Variants in KIF20B observed in about 807,000 individuals in gnomAD.
The protein encoded by KIF20B is kinesin-like protein KIF20B.
Under a neutral mutation model 232.5 loss-of-function variants are expected in KIF20B, and 188 were observed. That is an observed-to-expected ratio of 0.81 (90% CI 0.72 to 0.91). The LOEUF (loss-of-function observed/expected upper bound fraction) is 0.91. Ranked by LOEUF, KIF20B falls within the 40% of genes least tolerant of loss-of-function variation. KIF20B has a pLI of 0.00. For missense variants in KIF20B, 2,154 were observed against 2,055.9 expected (o/e 1.05, Z -0.92); for synonymous variants, 712 against 683.0 (o/e 1.04, Z -0.66).
intron 28 of KIF20B, 48 bp downstream of exon 28, chr10:89,760,684 A>C: frequency 9.1e-7 from 1 of 1,101,378 alleles, no homozygotes. Context: ...TTTATCCACT[A>C]TTACTAAATA....
chr10:89,722,453 A>T (rs974734673), intron 13 of KIF20B, among the ~76,000 whole-genome samples: 3 of 152,100 alleles, frequency 2.0e-5, no homozygotes, highest in African/African-American at 7.2e-5. Flanking sequence ...GTGGATCATG[A>T]GGTTGAGAGA....
At chr10:89,757,791 C>T (rs1400511151) in intron 26 of KIF20B, among the ~76,000 whole-genome samples, 1 of 150,142 alleles carries the variant, frequency 6.7e-6, no homozygotes, top group East Asian at 1.9e-4. Context: ...CATTTGCCCA[C>T]GGGTTAATTT....
At chr10:89,756,641 A>C (rs1235367017) in intron 26 of KIF20B, among the ~76,000 whole-genome samples, 1 of 152,214 alleles carries the variant, frequency 6.6e-6, no homozygotes, top group Non-Finnish European at 1.5e-5. Flanking sequence ...ACCTATTTCA[A>C]GAAGAGAACA....
intron 6 of KIF20B, among the ~76,000 whole-genome samples, chr10:89,713,358 C>CAA (rs34139175): frequency 0.02 from 1,727 of 88,542 alleles, 43 homozygotes; most frequent in African/African-American, 0.068. Flanking sequence ...AAGACTCTCT[C>CAA]AAAAAAAAAA....
In KIF20B at chr10:89,718,803, T is replaced by A; in HGVS notation, c.1365T>A (p.Asn455Lys). ...AAGGGAAAATTTGTATGATTGTCAA[T>A]ATCAGCCAATGTTATTTAGCCTATG... ...NGKGKICMIV[N>K]ISQCYLAYDE... Residue 455 changes from asparagine to lysine, a missense_variant, in exon 12 of 33, where the codon AAT (asparagine) becomes AAA (lysine). Coordinates refer to ENST00000371728, the MANE Select transcript of KIF20B (RefSeq NM_001284259.2). The A allele has an allele frequency of 6.2e-7, 1 of 1,609,586 alleles. No homozygotes were observed. The highest frequency in any genetic ancestry group is 8.5e-7 in the Non-Finnish European group (1 of 1,176,558).
chr10:89,717,639 G>A lies in KIF20B; in HGVS notation c.1188G>A (p.Arg396=). 6.2e-7 allele frequency: 1 copy of A among 1,611,166 alleles called. No individual in the cohort carries two copies. The highest frequency in any genetic ancestry group is 1.1e-5 in the South Asian group (1 of 90,816). The change falls in exon 11 of 33, where the codon AGG becomes AGA. Residue 396 remains arginine (R), a synonymous_variant. Coordinates refer to ENST00000371728, the MANE Select transcript of KIF20B (RefSeq NM_001284259.2). ...TGAAGACACAGAATGAAGGTGAAAG[G>A]TTAAGAGAGACTGGGAATATCAACA... ...RTMKTQNEGE[R]LRETGNINTS...
Position 89,745,969 on chromosome 10 carries a change from A to G in KIF20B, c.4096+10A>G. ...GAGAGAGCATGCAAAGGTCAGGAAC[A>G]AGTTTGTACTTCTGGAACCAGAAAA... On this transcript the variant is annotated intron_variant, in intron 23 of 32. Coordinates refer to ENST00000371728, the MANE Select transcript of KIF20B (RefSeq NM_001284259.2). The G allele has an allele frequency of 6.2e-7, 1 of 1,605,146 alleles. No individual in the cohort carries two copies. Among genetic ancestry groups the G allele is most frequent in the Non-Finnish European group, 8.5e-7 (1 of 1,171,886 alleles).
intron 13 of KIF20B, among the ~76,000 whole-genome samples, chr10:89,722,605 G>C (rs1843087465): frequency 6.6e-6 from 1 of 152,112 alleles, no homozygotes; most frequent in Admixed American, 6.5e-5. Context: ...GGGGGCGGAG[G>C]TTGCAGTGAG....
rs535725348 is a variant in KIF20B, at chr10:89,724,324, C to T, written c.1862+221C>T. Reference sequence around the variant, plus strand: ...GGCGGATCACTGAAGGTCAGGAGGTCGAGATCAGCCTGGCCAACATGGTGA... The same window carrying T: ...GGCGGATCACTGAAGGTCAGGAGGTTGAGATCAGCCTGGCCAACATGGTGA... On this transcript the variant is annotated intron_variant, in intron 14 of 32. Transcript: ENST00000371728. 2.8e-3 allele frequency among the ~76,000 whole-genome samples: 422 copies of T among 152,000 alleles called. 2 individuals are homozygous for T. The highest frequency in any genetic ancestry group is 4.4e-3 in the Non-Finnish European group (297 of 67,966).
chr10:89,703,029 C>G (rs920623421), intron 1 of KIF20B, among the ~76,000 whole-genome samples: 2 of 152,134 alleles, frequency 1.3e-5, no homozygotes, highest in Non-Finnish European at 2.9e-5. Context: ...TGAACAAATA[C>G]TTTATTATAA....
At chr10:89,721,341 A>AT (rs1250579859) in intron 13 of KIF20B, among the ~76,000 whole-genome samples, 1 of 152,136 alleles carries the variant, frequency 6.6e-6, no homozygotes, top group Non-Finnish European at 1.5e-5. Flanking sequence ...TCTGTAATGT[A>AT]TTAAATAGTA....
At position 89,738,496 on chromosome 10, in the gene KIF20B, A is replaced by G. The variant is rs1564667355; in HGVS notation, c.3655A>G (p.Asn1219Asp). ...QDSVKNTKDL[N>D]VKELKLKEEI... ...TTCTGTCAAAAACACCAAAGATTTAAATGTAAAGGAACTCAAGCTGAAAGA... is the reference window on the plus strand; with the variant it reads ...TTCTGTCAAAAACACCAAAGATTTAGATGTAAAGGAACTCAAGCTGAAAGA... The change falls in exon 20 of 33, where the codon AAT (asparagine) becomes GAT (aspartate). Residue 1219 changes from asparagine (N) to aspartate (D), a missense_variant. Coordinates refer to ENST00000371728, the MANE Select transcript of KIF20B (RefSeq NM_001284259.2). The G allele has an allele frequency of 6.2e-7, 1 of 1,606,608 alleles. No individual in the cohort carries two copies. Among genetic ancestry groups the G allele is most frequent in the Admixed American group, 1.7e-5 (1 of 59,060 alleles).
chr10:89,772,479 T>C (rs926041165), intron 31 of KIF20B, among the ~76,000 whole-genome samples: 22 of 152,074 alleles, frequency 1.4e-4, no homozygotes, highest in African/African-American at 5.3e-4. Context: ...TTTTTTGCTG[T>C]CGATCATTAT....
intron 16 of KIF20B, among the ~76,000 whole-genome samples, chr10:89,727,626 C>T (rs149718582): frequency 1.6e-4 from 24 of 152,198 alleles, no homozygotes; most frequent in African/African-American, 5.3e-4. Flanking sequence ...CATATGCCAC[C>T]TATTTTTATC....
intron 23 of KIF20B, 105 bp downstream of exon 23, chr10:89,746,064 A>G (rs1452741415): frequency 1.3e-6 from 1 of 792,184 alleles, no homozygotes; most frequent in Non-Finnish European, 2.1e-6. Flanking sequence ...TGCAGCTCAA[A>G]CCCCTAGGGG....
At chr10:89,769,938 A>G (rs1842433665) in intron 31 of KIF20B, among the ~76,000 whole-genome samples, 2 of 151,962 alleles carry the variant, frequency 1.3e-5, no homozygotes, top group Admixed American at 1.3e-4. Context: ...AATTGAATCA[A>G]ATATGTTGTG....
chr10:89,705,176 G>T lies in KIF20B; in HGVS notation c.-1-118G>T, dbSNP rs534089240. ...TGTTATAAATGAAGCAATGTAATGC[G>T]TTTCTTTTCTAAAATCTAGTTATTT... is the stretch of plus-strand genomic sequence containing the variant. On this transcript the variant is annotated intron_variant, in intron 1 of 32. Coordinates refer to ENST00000371728, the MANE Select transcript of KIF20B (RefSeq NM_001284259.2). The T allele has an allele frequency of 9.5e-5, 75 of 793,100 alleles. 2 individuals are homozygous for T. In the South Asian group the frequency reaches 1.2e-3, roughly 13 times the overall value. 49.1% of individuals were successfully genotyped at this position (793,100 alleles called of 1,614,324 possible).
rs1170699345 is a variant in KIF20B, at chr10:89,716,554, A to G, written c.1052+7A>G. 2.3e-6 allele frequency: 3 copies of G among 1,320,034 alleles called. No individual in the cohort carries two copies. The highest frequency in any genetic ancestry group is 1.9e-5 in the Admixed American group (1 of 52,196). The allele number at this position is 1,320,034 out of a possible 1,614,324, so 81.8% of individuals were successfully genotyped here. A position where few individuals can be genotyped will look rare whatever the true frequency, so the allele number is the denominator to read the frequency against. On this transcript the variant is annotated splice_region_variant and intron_variant, in intron 9 of 32. Coordinates refer to ENST00000371728, the MANE Select transcript of KIF20B (RefSeq NM_001284259.2). ...ATAATGCTTCCAGTAGAAGGTAAAG[A>G]ATAAACTCTGTAAGAGTAAACTCGA...
intron 21 of KIF20B, among the ~76,000 whole-genome samples, chr10:89,739,947 G>A (rs565053044): frequency 2.6e-5 from 4 of 152,014 alleles, no homozygotes; most frequent in East Asian, 1.9e-4. Context: ...GTGACTTAGC[G>A]CAATTTATTT....
Sources: gnomAD v4.1 joint callset for allele counts (sites outside exome capture counted in the v4.1 genomes callset) on GRCh38, gnomAD v4.1.1 for gene constraint, MANE v1.5 for transcripts, NCBI Gene and HGNC (gene_info 2026-07-23, HGNC 2026-07-21) for gene names.